ZNF525: variants seen among roughly 807,000 people sequenced by gnomAD.
The protein encoded by ZNF525 is zinc finger protein 525.
ZNF525 carries 33 observed loss-of-function variants against 37.6 expected under a neutral mutation model. The ratio of observed to expected loss-of-function variants is 0.88; its 90% confidence interval spans 0.67 to 1.17. The LOEUF is 1.17. ZNF525 is among the 50% of genes most tolerant of loss of function. The pLI, the probability that ZNF525 is intolerant of heterozygous loss-of-function variation, is 0.00. For synonymous variants in ZNF525, 170 were observed against 182.3 expected (o/e 0.93, Z 0.54); for missense variants, 449 against 543.1 (o/e 0.83, Z 1.72).
Position 53,380,904 on chromosome 19 carries a change from C to T in ZNF525, c.325C>T (p.His109Tyr), listed in dbSNP as rs1343215618. ...GTGGCAAGAAGATGAAAGAAATGGC[C>T]ATGAAGCACCCATGACAAAAATCAA... ...FQWQEDERNG[H>Y]EAPMTKIKKL... The change falls in exon 4 of 4, where the codon CAT becomes TAT. Residue 109 changes from histidine to tyrosine, a missense_variant. Coordinates refer to ENST00000474037, the MANE Select transcript of ZNF525 (RefSeq NM_001348156.2). 6.7e-7 allele frequency: 1 copy of T among 1,488,878 alleles called. No individual in the cohort carries two copies. Among genetic ancestry groups the T allele is most frequent in the Non-Finnish European group, 9.4e-7 (1 of 1,066,078 alleles). 92.2% of individuals were successfully genotyped at this position (1,488,878 alleles called of 1,614,324 possible). A position where few individuals can be genotyped will look rare whatever the true frequency, so the allele number is the denominator to read the frequency against.
At position 53,365,747 on chromosome 19, in the gene ZNF525, C is replaced by A; in HGVS notation, c.-80C>A. 1 of 182,100 alleles carries A rather than the reference C, an allele frequency of 5.5e-6. No individual in the cohort carries two copies. Among genetic ancestry groups the A allele is most frequent in the Non-Finnish European group, 1.2e-5 (1 of 84,670 alleles). 11.3% of individuals were successfully genotyped at this position (182,100 alleles called of 1,614,324 possible). ...GAAGCAGATCGCGTGGAGTGAAGGTCCCTCAGCGGCGCGTGAGTTTCGCTC... is the reference window on the plus strand; with the variant it reads ...GAAGCAGATCGCGTGGAGTGAAGGTACCTCAGCGGCGCGTGAGTTTCGCTC... On this transcript the variant is annotated 5_prime_UTR_variant, in exon 1 of 4. Coordinates refer to ENST00000474037, the MANE Select transcript of ZNF525 (RefSeq NM_001348156.2).
At position 53,383,419 on chromosome 19, in the gene ZNF525, A is replaced by G; in HGVS notation, c.*1400A>G. 1 of 1,069,200 alleles carries G rather than the reference A, an allele frequency of 9.4e-7. No individual in the cohort carries two copies. The highest frequency in any genetic ancestry group is 1.3e-5 in the South Asian group (1 of 79,928). The allele number at this position is 1,069,200 out of a possible 1,614,324, so 66.2% of individuals were successfully genotyped here. ...CCTTAGAAATGTGAAGAATGTGACA[A>G]AGTTTACAGTCGCAAATCAAACCTC... On this transcript the variant is annotated 3_prime_UTR_variant, in exon 4 of 4. Transcript: ENST00000474037.
Position 53,384,649 on chromosome 19 carries a change from A to G in ZNF525, c.*2630A>G. On this transcript the variant is annotated 3_prime_UTR_variant, in exon 4 of 4. Coordinates refer to ENST00000474037, the MANE Select transcript of ZNF525 (RefSeq NM_001348156.2). ...TTTTGGTGCTGATACTGTATTGTGC[A>G]AATCCACTGAATATGTTTGTTAGTT... 1 of 242,256 alleles carries G rather than the reference A, an allele frequency of 4.1e-6. No homozygotes were observed. The highest frequency in any genetic ancestry group is 7.9e-6 in the Non-Finnish European group (1 of 126,344). The allele number at this position is 242,256 out of a possible 1,614,324, so 15.0% of individuals were successfully genotyped here.
chr19:53,378,773 G>A (rs1250809480), intron 3 of ZNF525, among the ~76,000 whole-genome samples: 1 of 152,120 alleles, frequency 6.6e-6, no homozygotes, highest in Non-Finnish European at 1.5e-5. Flanking sequence ...CTATTCACGA[G>A]TAGTCAACAC....
At position 53,380,810 on chromosome 19, in the gene ZNF525, T is replaced by C. The variant is rs750672205; in HGVS notation, c.231T>C (p.His77=). The part of the protein sequence containing the change: ...EVIHTGTLQR[H]ERHHIGDFSF... ...TCCACACAGGGACATTGCAAAGACA[T>C]GAACGTCATCACATTGGAGATTTTT... Residue 77 remains histidine (H), a synonymous_variant, in exon 4 of 4, where the codon CAT becomes CAC. Transcript: ENST00000474037. 2.4e-5 allele frequency: 34 copies of C among 1,425,992 alleles called. 1 individual carries two copies. The highest frequency in any genetic ancestry group is 2.0e-6 in the Non-Finnish European group (2 of 1,008,806). The allele number at this position is 1,425,992 out of a possible 1,614,324, so 88.3% of individuals were successfully genotyped here. A position where few individuals can be genotyped will look rare whatever the true frequency, so the allele number is the denominator to read the frequency against.
chr19:53,382,773 A>G lies in ZNF525; in HGVS notation c.*754A>G, dbSNP rs2085576554. ...GACAAATTTTTCAGACATCGTTCAT[A>G]CCTTGCAGTTCACGGGCGAACTCAT... On this transcript the variant is annotated 3_prime_UTR_variant, in exon 4 of 4. Transcript: ENST00000474037. 1 of 982,714 alleles carries G rather than the reference A, an allele frequency of 1.0e-6. No individual in the cohort carries two copies. The allele number at this position is 982,714 out of a possible 1,614,324, so 60.9% of individuals were successfully genotyped here. A position where few individuals can be genotyped will look rare whatever the true frequency, so the allele number is the denominator to read the frequency against.
chr19:53,380,413 T>C (rs1450564700), intron 3 of ZNF525, among the ~76,000 whole-genome samples: 1 of 152,210 alleles, frequency 6.6e-6, no homozygotes, highest in Non-Finnish European at 1.5e-5. Flanking sequence ...ACAGTAAGTA[T>C]GCTGTAAATA....
Position 53,383,986 on chromosome 19 carries a change from A to G in ZNF525, c.*1967A>G. On this transcript the variant is annotated 3_prime_UTR_variant, in exon 4 of 4. Transcript: ENST00000474037. ...TCCATACTGGACAGAAATCTTACAA[A>G]TGTCATCAGTGTGGCAAGGTCTTCA... is the stretch of plus-strand genomic sequence containing the variant. 1.3e-6 allele frequency: 1 copy of G among 791,194 alleles called. No homozygotes were observed. The highest frequency in any genetic ancestry group is 2.1e-6 in the Non-Finnish European group (1 of 478,532). The allele number at this position is 791,194 out of a possible 1,614,324, so 49.0% of individuals were successfully genotyped here.
Position 53,383,102 on chromosome 19 carries a change from C to A in ZNF525, c.*1083C>A. The A allele has an allele frequency of 7.4e-7, 1 of 1,344,276 alleles. No homozygotes were observed. Among genetic ancestry groups the A allele is most frequent in the African/African-American group, 1.4e-5 (1 of 68,992 alleles). 83.3% of individuals were successfully genotyped at this position (1,344,276 alleles called of 1,614,324 possible). A position where few individuals can be genotyped will look rare whatever the true frequency, so the allele number is the denominator to read the frequency against. On this transcript the variant is annotated 3_prime_UTR_variant, in exon 4 of 4. Coordinates refer to ENST00000474037, the MANE Select transcript of ZNF525 (RefSeq NM_001348156.2). ...TAAATGTGGCGAGGTTTTTAATCAA[C>A]AAGCACACCTTGCACGTCATCATAG...
Position 53,381,392 on chromosome 19 carries a change from C to G in ZNF525, c.813C>G (p.Tyr271Ter). ...GATGTCACACTGGTGAGAAACCTTA[C>G]AAGTGTAATGAGTGTGGCAAGTCCT... ...HRRCHTGEKPYKCNECGKSFS... is the reference protein window; with the variant it reads ...HRRCHTGEKP The change falls in exon 4 of 4, where the codon TAC becomes TAG. Residue 271 changes from tyrosine (Y) to a stop codon, truncating the protein, a stop_gained. Coordinates refer to ENST00000474037, the MANE Select transcript of ZNF525 (RefSeq NM_001348156.2). LOFTEE classifies it high-confidence loss of function. 6.3e-7 allele frequency: 1 copy of G among 1,596,782 alleles called. No individual in the cohort carries two copies. Among genetic ancestry groups the G allele is most frequent in the Non-Finnish European group, 8.6e-7 (1 of 1,164,272 alleles).
Position 53,380,940 on chromosome 19 carries a change from G to C in ZNF525, c.361G>C (p.Gly121Arg), listed in dbSNP as rs537692033. ...CATGACAAAAATCAAAAAATTGATGGGTAGTACAGAGCAATATGATCACAG... is the reference window on the plus strand; with the variant it reads ...CATGACAAAAATCAAAAAATTGATGCGTAGTACAGAGCAATATGATCACAG... ...APMTKIKKLM[G>R]STEQYDHRHA... Residue 121 changes from glycine (G) to arginine (R), a missense_variant, in exon 4 of 4, where the codon GGT becomes CGT. This residue lies in a region of ZNF525 where 271 missense variants were observed against 381.6 expected (regional missense o/e 0.71). Coordinates refer to ENST00000474037, the MANE Select transcript of ZNF525 (RefSeq NM_001348156.2). 5.8e-6 allele frequency: 9 copies of C among 1,546,588 alleles called. No homozygotes were observed. Among genetic ancestry groups the C allele is most frequent in the Non-Finnish European group, 8.0e-6 (9 of 1,118,728 alleles).
chr19:53,374,224 TCC>T (rs34709395), intron 2 of ZNF525, among the ~76,000 whole-genome samples: 2,467 of 152,220 alleles, frequency 0.016, 56 homozygotes, highest in African/African-American at 0.056. Flanking sequence ...CCTCCCACTC[TCC>T]CCACTCTCAA....
chr19:53,381,073 A>T lies in ZNF525; in HGVS notation c.494A>T (p.Glu165Val), dbSNP rs2147073303. Reference protein sequence around the residue: ...QPKGKINNQVEKSINDASSVS... With the variant: ...QPKGKINNQVVKSINDASSVS... ...AAAGGGAAAATTAATAATCAAGTGG[A>T]GAAGTCTATCAACGATGCTTCCTCG... The change falls in exon 4 of 4, where the codon GAG becomes GTG. Residue 165 changes from glutamate (E) to valine (V), a missense_variant. Coordinates refer to ENST00000474037, the MANE Select transcript of ZNF525 (RefSeq NM_001348156.2). The T allele has an allele frequency of 6.6e-7, 1 of 1,506,296 alleles. No homozygotes were observed. The highest frequency in any genetic ancestry group is 9.2e-7 in the Non-Finnish European group (1 of 1,081,896). 93.3% of individuals were successfully genotyped at this position (1,506,296 alleles called of 1,614,324 possible).
chr19:53,373,374 A>T (rs1476129466), intron 2 of ZNF525, among the ~76,000 whole-genome samples: 4 of 152,134 alleles, frequency 2.6e-5, no homozygotes, highest in African/African-American at 7.2e-5. Context: ...GATTACAGGC[A>T]TGAGCCACCA....
Position 53,383,328 on chromosome 19 carries a change from T to C in ZNF525, c.*1309T>C. ...ACTGGAGAGAAACAAGCGTAATGAATGTGGCGAGGTTTTCAATCAACAAGC... is the reference window on the plus strand; with the variant it reads ...ACTGGAGAGAAACAAGCGTAATGAACGTGGCGAGGTTTTCAATCAACAAGC... On this transcript the variant is annotated 3_prime_UTR_variant, in exon 4 of 4. Transcript: ENST00000474037. 1 of 1,364,992 alleles carries C rather than the reference T, an allele frequency of 7.3e-7. No individual in the cohort carries two copies. Among genetic ancestry groups the C allele is most frequent in the Non-Finnish European group, 1.0e-6 (1 of 992,762 alleles). The allele number at this position is 1,364,992 out of a possible 1,614,324, so 84.6% of individuals were successfully genotyped here. A position where few individuals can be genotyped will look rare whatever the true frequency, so the allele number is the denominator to read the frequency against.
chr19:53,372,661 G>A (rs184460965), intron 2 of ZNF525, among the ~76,000 whole-genome samples: 2,579 of 152,230 alleles, frequency 0.017, 29 homozygotes, highest in Non-Finnish European at 0.023. Flanking sequence ...TGGAAGTCAC[G>A]CACTAATGTG....
chr19:53,371,617 C>T (rs1015412415), intron 1 of ZNF525, among the ~76,000 whole-genome samples: 1 of 152,134 alleles, frequency 6.6e-6, no homozygotes, highest in Admixed American at 6.5e-5. Flanking sequence ...AATCCACCCA[C>T]CTTGGCCTTC....
At position 53,380,786 on chromosome 19, in the gene ZNF525, C is replaced by T. The variant is rs144243902; in HGVS notation, c.207C>T (p.Ile69=). ...CAGCACAAGGCAATACAGAAGTGAT[C>T]CACACAGGGACATTGCAAAGACATG... is the stretch of plus-strand genomic sequence containing the variant. ...SSTAQGNTEV[I]HTGTLQRHER... Residue 69 remains isoleucine (I), a synonymous_variant, in exon 4 of 4, where the codon ATC becomes ATT. Transcript: ENST00000474037. 0.026 allele frequency: 35,749 copies of T among 1,401,666 alleles called. 708 individuals are homozygous for T. Among genetic ancestry groups the T allele is most frequent in the Admixed American group, 0.083 (4,973 of 59,648 alleles). The allele number at this position is 1,401,666 out of a possible 1,614,324, so 86.8% of individuals were successfully genotyped here.
At position 53,375,827 on chromosome 19, in the gene ZNF525, C is replaced by T. The variant is rs777023405; in HGVS notation, c.73C>T (p.Leu25=). Residue 25 remains leucine, a synonymous_variant, in exon 3 of 4, where the codon CTG becomes TTG. Coordinates refer to ENST00000474037, the MANE Select transcript of ZNF525 (RefSeq NM_001348156.2). Reference sequence around the variant, plus strand: ...ATTCTCTCAGGAGGAGTGGAAATGCCTGGACCCTGCTCAGAGGACTCTATA... The same window carrying T: ...ATTCTCTCAGGAGGAGTGGAAATGCTTGGACCCTGCTCAGAGGACTCTATA... ...IEFSQEEWKC[L]DPAQRTLYRD... 53 of 1,613,824 alleles carry T rather than the reference C, an allele frequency of 3.3e-5. No individual in the cohort carries two copies. The highest frequency in any genetic ancestry group is 4.4e-5 in the Non-Finnish European group (52 of 1,179,898).
Sources: gnomAD v4.1 joint callset for allele counts (sites outside exome capture counted in the v4.1 genomes callset) on GRCh38, gnomAD v4.1.1 for gene constraint, gnomAD v4.1.1 regional missense constraint, MANE v1.5 for transcripts, NCBI Gene and HGNC (gene_info 2026-07-23, HGNC 2026-07-21) for gene names.